Variants in BBS9 observed in about 807,000 individuals in gnomAD.
BBS9 encodes protein PTHB1.
In BBS9, 89 loss-of-function variants were observed where a neutral mutation model predicts 117.7. The observed-to-expected ratio is 0.76, with a 90% CI of 0.64 to 0.90. BBS9 has a LOEUF of 0.90. BBS9 is among the 40% of genes least tolerant of loss of function. The pLI, the probability that BBS9 is intolerant of heterozygous loss-of-function variation, is 0.00. For synonymous variants in BBS9, 379 were observed against 370.9 expected (o/e 1.02, Z -0.25); for missense variants, 982 against 1,042.2 (o/e 0.94, Z 0.80).
chr7:33,179,659 A>G (rs1463620238), intron 5 of BBS9, among the ~76,000 whole-genome samples: 1 of 152,142 alleles, frequency 6.6e-6, no homozygotes, highest in Non-Finnish European at 1.5e-5. Flanking sequence ...TAATTATTTC[A>G]TTATATATTA....
At chr7:33,422,042 A>AT (rs1832931687) in intron 19 of BBS9, among the ~76,000 whole-genome samples, 1 of 152,194 alleles carries the variant, frequency 6.6e-6, no homozygotes, top group African/African-American at 2.4e-5. Flanking sequence ...AATGTGTTGG[A>AT]TTATGTATAA....
intron 9 of BBS9, among the ~76,000 whole-genome samples, chr7:33,293,386 G>A (rs181077092): frequency 2.4e-4 from 36 of 151,904 alleles, no homozygotes; most frequent in Admixed American, 6.6e-5. Flanking sequence ...ATGACTCACA[G>A]ACACGGAAAA....
At chr7:33,516,870 A>G (rs1363336595) in intron 20 of BBS9, among the ~76,000 whole-genome samples, 1 of 152,262 alleles carries the variant, frequency 6.6e-6, no homozygotes, top group Non-Finnish European at 1.5e-5. Context: ...ATGAACACAG[A>G]TCTTCTCACC....
intron 21 of BBS9, among the ~76,000 whole-genome samples, chr7:33,539,177 G>A (rs1369224916): frequency 6.6e-6 from 1 of 152,180 alleles, no homozygotes; most frequent in East Asian, 1.9e-4. Context: ...AGCCCAAGCT[G>A]AGGTCTGAGG....
In BBS9 at chr7:33,349,058, G is replaced by A; in HGVS notation, c.1330-10G>A. The A allele has an allele frequency of 6.4e-7, 1 of 1,564,352 alleles. No homozygotes were observed. The highest frequency in any genetic ancestry group is 2.2e-5 in the East Asian group (1 of 44,490). The stretch of plus-strand genomic sequence containing the variant: ...TAATTTTCTATTGATAACAATTTCT[G>A]TTTCCTTAGGTCACACTGCAGAACA... On this transcript the variant is annotated splice_polypyrimidine_tract_variant and intron_variant, in intron 12 of 22. Transcript: ENST00000242067.
chr7:33,592,046 T>C (rs1862011256), intron 21 of BBS9, among the ~76,000 whole-genome samples: 1 of 152,156 alleles, frequency 6.6e-6, no homozygotes, highest in Non-Finnish European at 1.5e-5. Flanking sequence ...CATTCACCAC[T>C]GAGTTCAGCT....
chr7:33,248,177 A>G (rs1369735721), intron 5 of BBS9, among the ~76,000 whole-genome samples: 2 of 152,216 alleles, frequency 1.3e-5, no homozygotes, highest in African/African-American at 2.4e-5. Context: ...CACTTGAATT[A>G]TAGTTGAGAA....
intron 21 of BBS9, among the ~76,000 whole-genome samples, chr7:33,600,801 C>T (rs1467271128): frequency 6.6e-6 from 1 of 152,146 alleles, no homozygotes; most frequent in African/African-American, 2.4e-5. Context: ...TCCCATGCCT[C>T]CATCTCTGGA....
chr7:33,611,088 T>G (rs1864830716), intron 21 of BBS9, among the ~76,000 whole-genome samples: 1 of 151,986 alleles, frequency 6.6e-6, no homozygotes, highest in African/African-American at 2.4e-5. Flanking sequence ...GGCTCCAGGA[T>G]CATCAGATTG....
At chr7:33,439,082 A>G (rs1198615220) in intron 19 of BBS9, among the ~76,000 whole-genome samples, 1 of 152,172 alleles carries the variant, frequency 6.6e-6, no homozygotes, top group Admixed American at 6.5e-5. Flanking sequence ...GTCAAGCTTT[A>G]TGGACCCTTC....
At chr7:33,277,246 C>T (rs945906463) in intron 9 of BBS9, among the ~76,000 whole-genome samples, 4 of 152,306 alleles carry the variant, frequency 2.6e-5, no homozygotes, top group Non-Finnish European at 4.4e-5. Context: ...ATTAGAGGGT[C>T]TTGCTGTTAT....
At chr7:33,577,844 T>C (rs146260477) in intron 21 of BBS9, among the ~76,000 whole-genome samples, 3,394 of 152,152 alleles carry the variant, frequency 0.022, 69 homozygotes, top group South Asian at 0.1. Flanking sequence ...CAGGTGAGAA[T>C]TGAACAATGA....
chr7:33,351,071 C>T, intron 13 of BBS9, 148 bp from the exon 14 acceptor site: 1 of 610,706 alleles, frequency 1.6e-6, no homozygotes. Context: ...ATCAACCTCA[C>T]AGGTTTGTTG....
intron 1 of BBS9, among the ~76,000 whole-genome samples, chr7:33,142,026 C>G (rs754760766): frequency 6.6e-6 from 1 of 152,048 alleles, no homozygotes; most frequent in Non-Finnish European, 1.5e-5. Context: ...AGCTCTGCCT[C>G]CCGGGTTCAT....
At chr7:33,480,525 A>G (rs953821159) in intron 19 of BBS9, among the ~76,000 whole-genome samples, 4 of 152,192 alleles carry the variant, frequency 2.6e-5, no homozygotes, top group African/African-American at 9.7e-5. Context: ...GTCTTGTCAA[A>G]GCTTCACAAA....
At chr7:33,197,249 A>G (rs772131144) in intron 5 of BBS9, among the ~76,000 whole-genome samples, 2 of 152,166 alleles carry the variant, frequency 1.3e-5, no homozygotes, top group Non-Finnish European at 2.9e-5. Flanking sequence ...TTTGATCCAT[A>G]TATATAGTTC....
chr7:33,598,541 G>GT (rs1563427483), intron 21 of BBS9, among the ~76,000 whole-genome samples: 1 of 152,152 alleles, frequency 6.6e-6, no homozygotes, highest in African/African-American at 2.4e-5. Context: ...TTCATTAGTT[G>GT]TAACACATGT....
intron 5 of BBS9, among the ~76,000 whole-genome samples, chr7:33,251,334 C>T (rs1343167671): frequency 6.6e-6 from 1 of 152,166 alleles, no homozygotes; most frequent in Non-Finnish European, 1.5e-5. Context: ...TCATTTTTCT[C>T]TCATTGGCTG....
intron 10 of BBS9, among the ~76,000 whole-genome samples, chr7:33,337,525 A>G (rs960303588): frequency 3.9e-5 from 6 of 152,082 alleles, no homozygotes; most frequent in Non-Finnish European, 5.9e-5. Context: ...GTCCTGAGGA[A>G]TTGAGATAAT....
Sources: gnomAD v4.1 joint callset for allele counts (sites outside exome capture counted in the v4.1 genomes callset) on GRCh38, gnomAD v4.1.1 for gene constraint, MANE v1.5 for transcripts, NCBI Gene and HGNC (gene_info 2026-07-23, HGNC 2026-07-21) for gene names.